Variants in TOP2B observed in about 807,000 individuals in gnomAD.
TOP2B encodes DNA topoisomerase II beta.
In TOP2B, 51 loss-of-function variants were observed where a neutral mutation model predicts 193.5. That is an observed-to-expected ratio of 0.26 (90% CI 0.21 to 0.33). The LOEUF (loss-of-function observed/expected upper bound fraction) is 0.33. TOP2B is among the 10% of genes least tolerant of loss of function. TOP2B has a pLI of 1.00. For missense variants in TOP2B, 1,378 were observed against 1,909.3 expected, an observed-to-expected ratio of 0.72 and a Z score of 5.19; for synonymous variants, 634 against 635.7, an observed-to-expected ratio of 1.00 and a Z score of 0.04.
chr3:25,618,489 A>T lies in TOP2B; in HGVS notation c.3280T>A (p.Leu1094Met), dbSNP rs1389359921. The T allele has an allele frequency of 6.2e-7, 1 of 1,612,580 alleles. No homozygotes were observed. The highest frequency in any genetic ancestry group is 2.2e-5 in the East Asian group (1 of 44,852). The change falls in exon 25 of 36, where the codon TTG becomes ATG. Residue 1094 changes from leucine (L) to methionine (M), a missense_variant. Leu to Met is a conservative substitution (Grantham distance 15). This residue lies in a region of TOP2B where 379 missense variants were observed against 615.1 expected (regional missense o/e 0.62). Transcript: ENST00000264331. ...ITIENRSKKDLIQMLVQRGYE... is the reference protein window; with the variant it reads ...ITIENRSKKDMIQMLVQRGYE... ...CCTCTCTGGACTAACATTTGAATCA[A>T]ATCTTTCTTTGACCTATTCTCTATG...
rs1050702043 is a variant in TOP2B, at chr3:25,628,747, G to C, written c.1906+100C>G. On this transcript the variant is annotated intron_variant, in intron 15 of 35. Coordinates refer to ENST00000264331, the MANE Select transcript of TOP2B (RefSeq NM_001330700.2). Reference sequence around the variant, plus strand: ...TTTAAAATCAGTGATAGCTATTTTCGAAGTCTAAAATAGTCAAACTTTCAA... The same window carrying C: ...TTTAAAATCAGTGATAGCTATTTTCCAAGTCTAAAATAGTCAAACTTTCAA... 1.6e-5 allele frequency: 11 copies of C among 676,462 alleles called. No individual in the cohort carries two copies. The African/African-American group carries it at 2.0e-4, about 13-fold the overall frequency. 41.9% of individuals were successfully genotyped at this position (676,462 alleles called of 1,614,324 possible). A position where few individuals can be genotyped will look rare whatever the true frequency, so the allele number is the denominator to read the frequency against.
intron 2 of TOP2B, among the ~76,000 whole-genome samples, chr3:25,644,967 T>A (rs912603568): frequency 6.6e-6 from 1 of 150,740 alleles, no homozygotes. Flanking sequence ...AGAAAATTTT[T>A]TTTTTTGTAT....
chr3:25,647,278 CATA>C (rs1703438009), intron 1 of TOP2B, among the ~76,000 whole-genome samples: 3 of 152,084 alleles, frequency 2.0e-5, no homozygotes, highest in African/African-American at 7.2e-5. Flanking sequence ...ACAATAAAAT[CATA>C]ATTTATTTTT....
intron 22 of TOP2B, 97 bp from the exon 23 acceptor site, chr3:25,620,159 G>A (rs1702621257): frequency 3.7e-6 from 3 of 812,686 alleles, no homozygotes; most frequent in South Asian, 3.7e-5. Flanking sequence ...ACTCTCATGG[G>A]GAATTAAAAA....
intron 31 of TOP2B, among the ~76,000 whole-genome samples, 196 bp downstream of exon 31, chr3:25,606,975 T>C (rs999707323): frequency 1.2e-4 from 18 of 152,204 alleles, no homozygotes; most frequent in Non-Finnish European, 1.2e-4. Flanking sequence ...GAGCCCTTTA[T>C]GGAAAAAGTT....
chr3:25,643,441 G>A (rs987121099), intron 3 of TOP2B, among the ~76,000 whole-genome samples: 3 of 152,130 alleles, frequency 2.0e-5, no homozygotes, highest in Non-Finnish European at 2.9e-5. Flanking sequence ...ACATAGAGGA[G>A]TACAGACCAA....
Position 25,618,862 on chromosome 3 carries a change from C to A in TOP2B, c.3064-13G>T. On this transcript the variant is annotated splice_polypyrimidine_tract_variant and intron_variant, in intron 23 of 35. Coordinates refer to ENST00000264331, the MANE Select transcript of TOP2B (RefSeq NM_001330700.2). ...GATCAAAAAGTACCTAAGCAAAACA[C>A]ATATACTTTGCAGATCATATAGATC... is the stretch of plus-strand genomic sequence containing the variant. 6.3e-7 allele frequency: 1 copy of A among 1,578,946 alleles called. No individual in the cohort carries two copies. Among genetic ancestry groups the A allele is most frequent in the South Asian group, 1.2e-5 (1 of 86,706 alleles).
intron 31 of TOP2B, 76 bp from the exon 32 acceptor site, chr3:25,606,198 T>C (rs2125347226): frequency 1.5e-6 from 1 of 671,112 alleles, no homozygotes; most frequent in Non-Finnish European, 2.4e-6. Flanking sequence ...TTATATATAA[T>C]ATTTACTGCA....
chr3:25,643,347 C>T (rs959976322), intron 3 of TOP2B, among the ~76,000 whole-genome samples: 3 of 152,142 alleles, frequency 2.0e-5, no homozygotes, highest in African/African-American at 4.8e-5. Context: ...ACCAACTCAA[C>T]GAATCTGCAA....
At chr3:25,629,304 TACAC>T (rs1702891611) in intron 13 of TOP2B, among the ~76,000 whole-genome samples, 159 bp from the exon 14 acceptor site, 1 of 152,030 alleles carries the variant, frequency 6.6e-6, no homozygotes, top group Non-Finnish European at 1.5e-5. Context: ...AATTTTTTAA[TACAC>T]AAATAAAGAA....
intron 21 of TOP2B, among the ~76,000 whole-genome samples, chr3:25,622,920 C>T (rs116651451): frequency 1.3e-5 from 2 of 152,026 alleles, no homozygotes; most frequent in African/African-American, 4.8e-5. Flanking sequence ...GGATTACAGG[C>T]GTGAGCCTGA....
At chr3:25,640,108 T>TA (rs1287520046) in intron 4 of TOP2B, among the ~76,000 whole-genome samples, 1 of 152,218 alleles carries the variant, frequency 6.6e-6, no homozygotes, top group African/African-American at 2.4e-5. Context: ...TTAGAAATCT[T>TA]ACTGAAGCAA....
chr3:25,632,182 T>A (rs1277613526), intron 10 of TOP2B, among the ~76,000 whole-genome samples: 1 of 152,080 alleles, frequency 6.6e-6, no homozygotes, highest in African/African-American at 2.4e-5. Flanking sequence ...AGGGGAAATC[T>A]GACCTTTACA....
At chr3:25,624,466 G>A in intron 19 of TOP2B, 21 bp from the exon 20 acceptor site, 3 of 1,599,842 alleles carry the variant, frequency 1.9e-6, no homozygotes, top group Non-Finnish European at 2.6e-6. Context: ...GAAGAAGGCA[G>A]AACATAACAT....
chr3:25,652,067 T>C (rs1011288800), intron 1 of TOP2B, among the ~76,000 whole-genome samples: 2 of 152,078 alleles, frequency 1.3e-5, no homozygotes, highest in African/African-American at 4.8e-5. Context: ...TCAGACAACA[T>C]AGAGTTTAAG....
At chr3:25,658,415 A>C (rs989763317) in intron 1 of TOP2B, among the ~76,000 whole-genome samples, 2 of 152,064 alleles carry the variant, frequency 1.3e-5, no homozygotes, top group African/African-American at 4.8e-5. Context: ...ATTAAATTGG[A>C]ATCTAAAAAA....
chr3:25,623,579 T>C lies in TOP2B; in HGVS notation c.2663A>G (p.Tyr888Cys), dbSNP rs1310820547. The C allele has an allele frequency of 3.1e-6, 5 of 1,613,954 alleles. No homozygotes were observed. The highest frequency in any genetic ancestry group is 2.2e-5 in the East Asian group (1 of 44,864). The part of the protein sequence containing the change: ...GTGWACKLPN[Y>C]DAREIVNNVR... ...ATTGTTCACAATTTCCCTAGCATCATAGTTGGGTAGTTTACAAGCCCATCC... is the reference window on the plus strand; with the variant it reads ...ATTGTTCACAATTTCCCTAGCATCACAGTTGGGTAGTTTACAAGCCCATCC... The change falls in exon 21 of 36, where the codon TAT (tyrosine) becomes TGT (cysteine). Residue 888 changes from tyrosine (Y) to cysteine (C), a missense_variant. By Grantham distance (194) the Tyr-to-Cys change is radical. This residue lies in a region of TOP2B where 379 missense variants were observed against 615.1 expected (regional missense o/e 0.62). Coordinates refer to ENST00000264331, the MANE Select transcript of TOP2B (RefSeq NM_001330700.2).
intron 27 of TOP2B, among the ~76,000 whole-genome samples, chr3:25,614,198 TTGAA>T (rs1702448731): frequency 6.6e-6 from 1 of 152,184 alleles, no homozygotes; most frequent in Non-Finnish European, 1.5e-5. Flanking sequence ...TAGGGTTGTT[TTGAA>T]TGACGACTTT....
chr3:25,623,763 G>A lies in TOP2B; in HGVS notation c.2496-17C>T, dbSNP rs1488144553. ...GCTAAAGTGCTAATGAAAACAAAAA[G>A]AAGCAAATGAAAAAATGTCATGGCT... On this transcript the variant is annotated splice_polypyrimidine_tract_variant and intron_variant, in intron 20 of 35. Transcript: ENST00000264331. The A allele has an allele frequency of 3.3e-6, 5 of 1,528,734 alleles. No individual in the cohort carries two copies. The highest frequency in any genetic ancestry group is 2.4e-5 in the South Asian group (2 of 84,834). 94.7% of individuals were successfully genotyped at this position (1,528,734 alleles called of 1,614,324 possible).
Sources: allele counts gnomAD v4.1 joint callset (sites outside exome capture counted in the v4.1 genomes callset), GRCh38; gene constraint gnomAD v4.1.1; regional missense constraint gnomAD v4.1.1; transcripts MANE v1.5; gene names NCBI Gene and HGNC (gene_info 2026-07-23, HGNC 2026-07-21).